The following GABRB2 variants were observed in gnomAD, a reference collection of about 807,000 sequenced individuals.
GABRB2 encodes gamma-aminobutyric acid type A receptor subunit beta2, also known as gamma-aminobutyric acid receptor subunit beta-2.
Under a neutral mutation model 54.7 loss-of-function variants are expected in GABRB2, and 16 were observed. The ratio of observed to expected loss-of-function variants is 0.29; its 90% CI spans 0.20 to 0.44. The LOEUF is 0.44. Among genes scored for constraint, GABRB2 ranks in the 20% least tolerant of loss-of-function variants. GABRB2 has a pLI of 1.00. For missense variants in GABRB2, 355 were observed against 644.0 expected, an observed-to-expected ratio of 0.55 and a Z score of 4.86; for synonymous variants, 244 against 233.8, an observed-to-expected ratio of 1.04 and a Z score of -0.40.
chr5:161,478,814 T>A (rs1758669738), intron 3 of GABRB2, among the ~76,000 whole-genome samples: 1 of 151,956 alleles, frequency 6.6e-6, no homozygotes, highest in African/African-American at 2.4e-5. Flanking sequence ...TTCTAAGCAG[T>A]GAAAAAGTGT....
At chr5:161,300,853 T>G (rs1336648607) in intron 9 of GABRB2, among the ~76,000 whole-genome samples, 1 of 152,116 alleles carries the variant, frequency 6.6e-6, no homozygotes, top group East Asian at 1.9e-4. Flanking sequence ...GCCAGAGAAG[T>G]AATACACAAG....
At chr5:161,353,816 G>A (rs970174052) in intron 5 of GABRB2, among the ~76,000 whole-genome samples, 1 of 151,898 alleles carries the variant, frequency 6.6e-6, no homozygotes, top group African/African-American at 2.4e-5. Flanking sequence ...TAGCTACAGT[G>A]ATTTAATAAA....
chr5:161,323,176 C>T (rs570629782), intron 9 of GABRB2, among the ~76,000 whole-genome samples: 1 of 152,170 alleles, frequency 6.6e-6, no homozygotes, highest in South Asian at 2.1e-4. Flanking sequence ...CGCCCGCCAC[C>T]ACACCCAGCT....
rs1431700478 is a variant in GABRB2 at position 161,289,661 on chromosome 5, T to C, written c.*4420A>G. On this transcript the variant is annotated 3_prime_UTR_variant, in exon 10 of 10. Transcript: ENST00000393959. Reference sequence around the variant, plus strand: ...AAGTCTATTAAGTTATCAATGATCATTTTTGCTTTTCCCAATTGCCATTTC... The same window carrying C: ...AAGTCTATTAAGTTATCAATGATCACTTTTGCTTTTCCCAATTGCCATTTC... 1 of 152,140 alleles carries C rather than the reference T, an allele frequency of 6.6e-6. No homozygotes were observed. Among genetic ancestry groups the C allele is most frequent in the African/African-American group, 2.4e-5 (1 of 41,440 alleles). The allele number at this position is 152,140 out of a possible 1,614,324, so 9.4% of individuals were successfully genotyped here.
chr5:161,434,224 T>C (rs541800187), intron 4 of GABRB2, among the ~76,000 whole-genome samples: 125 of 152,330 alleles, frequency 8.2e-4, no homozygotes, highest in Admixed American at 1.5e-3. Flanking sequence ...TTCTATCAAC[T>C]GACACTTTGT....
At chr5:161,362,506 A>T (rs1027298269) in intron 5 of GABRB2, among the ~76,000 whole-genome samples, 1 of 152,214 alleles carries the variant, frequency 6.6e-6, no homozygotes, top group African/African-American at 2.4e-5. Flanking sequence ...AAGCAATGGC[A>T]ACAAAAGCCA....
intron 3 of GABRB2, among the ~76,000 whole-genome samples, chr5:161,498,834 G>C (rs80125596): frequency 0.016 from 2,380 of 152,246 alleles, 29 homozygotes; most frequent in East Asian, 0.024. Flanking sequence ...GCACAGACTT[G>C]TTGGTTCCTT....
chr5:161,524,656 A>C (rs1760218785), intron 3 of GABRB2, among the ~76,000 whole-genome samples: 5 of 151,352 alleles, frequency 3.3e-5, no homozygotes, highest in Admixed American at 2.0e-4. Context: ...CTTTATTAAC[A>C]CTGAAAAAAA....
chr5:161,547,189 G>C (rs1761013655), upstream of GABRB2: 1 of 137,404 alleles, frequency 7.3e-6, no homozygotes, highest in African/African-American at 2.7e-5. Flanking sequence ...TGCCTGGGGC[G>C]AGACTGGGAT....
intron 3 of GABRB2, among the ~76,000 whole-genome samples, chr5:161,544,142 G>T (rs1581073327): frequency 6.6e-6 from 1 of 152,294 alleles, no homozygotes; most frequent in East Asian, 1.9e-4. Flanking sequence ...TAATTTTCAA[G>T]TCCTGAGGGG....
chr5:161,422,315 A>G (rs1756876415), intron 4 of GABRB2, among the ~76,000 whole-genome samples: 1 of 152,106 alleles, frequency 6.6e-6, no homozygotes, highest in Non-Finnish European at 1.5e-5. Flanking sequence ...GTAGATTTAA[A>G]TGAATTTTGA....
rs560546451 is a variant in GABRB2 at position 161,386,999 on chromosome 5, C to T, written c.541+23976G>A. Among the ~76,000 whole-genome samples the T allele has an allele frequency of 9.3e-4, 141 of 151,698 alleles. 3 individuals are homozygous for T. In the South Asian group the frequency reaches 0.024, roughly 26 times the overall value. On this transcript the variant is annotated intron_variant, in intron 5 of 9. Transcript: ENST00000393959. ...GCATAGAATATAGTTCTAAAGGGCA[C>T]ATAATCTATTAACACTGGCTACCTC...
chr5:161,489,294 C>T (rs747846962), intron 3 of GABRB2, among the ~76,000 whole-genome samples: 1 of 151,342 alleles, frequency 6.6e-6, no homozygotes, highest in Non-Finnish European at 1.5e-5. Flanking sequence ...TTCTTAGTAG[C>T]CCATGAAAAA....
intron 4 of GABRB2, among the ~76,000 whole-genome samples, chr5:161,418,483 A>G (rs1458592300): frequency 6.6e-6 from 1 of 152,184 alleles, no homozygotes; most frequent in Non-Finnish European, 1.5e-5. Flanking sequence ...ACCATATACA[A>G]AAATTAACTC....
At chr5:161,345,507 A>C (rs1754297242) in intron 5 of GABRB2, among the ~76,000 whole-genome samples, 1 of 151,994 alleles carries the variant, frequency 6.6e-6, no homozygotes, top group Non-Finnish European at 1.5e-5. Flanking sequence ...TCTTTTGCTC[A>C]TACTCTTCAG....
intron 4 of GABRB2, among the ~76,000 whole-genome samples, chr5:161,437,824 G>T (rs1409805735): frequency 3.3e-5 from 5 of 152,180 alleles, no homozygotes; most frequent in African/African-American, 4.8e-5. Flanking sequence ...TGGATAAGGG[G>T]AGGGAAGGGT....
chr5:161,302,293 C>G (rs1332268049), intron 9 of GABRB2, among the ~76,000 whole-genome samples: 4 of 152,178 alleles, frequency 2.6e-5, no homozygotes, highest in Non-Finnish European at 4.4e-5. Context: ...GCTTGGTTAA[C>G]AGAGTTCCAT....
Position 161,296,467 on chromosome 5 carries a change from C to T in GABRB2, c.1192-2039G>A, listed in dbSNP as rs147026085. Among the ~76,000 whole-genome samples the T allele has an allele frequency of 8.5e-5, 13 of 152,212 alleles. No homozygotes were observed. In the East Asian group the frequency reaches 1.7e-3, roughly 20 times the overall value. The stretch of plus-strand genomic sequence containing the variant: ...AGACCTGGCTGAGTTCAAACTATAA[C>T]ATAGCAATAATGATCATAATAAAAA... On this transcript the variant is annotated intron_variant, in intron 9 of 9. Coordinates refer to ENST00000393959, the MANE Select transcript of GABRB2 (RefSeq NM_001371727.1).
chr5:161,503,287 A>C (rs549201938), intron 3 of GABRB2, among the ~76,000 whole-genome samples: 1 of 152,262 alleles, frequency 6.6e-6, no homozygotes, highest in South Asian at 2.1e-4. Context: ...AAAATCAAGT[A>C]GAAATTCTAG....
Sources: allele counts gnomAD v4.1 joint callset (sites outside exome capture counted in the v4.1 genomes callset), GRCh38; gene constraint gnomAD v4.1.1; transcripts MANE v1.5; gene names NCBI Gene and HGNC (gene_info 2026-07-23, HGNC 2026-07-21).